Variants in HERC6 observed in about 807,000 individuals in gnomAD.
The protein encoded by HERC6 is probable E3 ubiquitin-protein ligase HERC6.
HERC6 carries 101 observed loss-of-function variants against 114.5 expected under a neutral mutation model. The observed-to-expected ratio is 0.88, with a 90% CI of 0.75 to 1.04. The LOEUF (loss-of-function observed/expected upper bound fraction) is 1.04, where lower values mean the gene tolerates loss of function less well. Among genes scored for constraint, HERC6 ranks in the 50% least tolerant of loss-of-function variants. The probability of loss-of-function intolerance (pLI) is 0.00; values close to 1 mark genes in which losing one functional copy is unlikely to be tolerated. For synonymous variants in HERC6, 408 were observed against 436.2 expected (o/e 0.94, Z 0.81); for missense variants, 1,133 against 1,230.9 (o/e 0.92, Z 1.19).
intron 2 of HERC6, among the ~76,000 whole-genome samples, chr4:88,383,785 A>G (rs1348065119): frequency 1.3e-5 from 2 of 149,992 alleles, no homozygotes; most frequent in East Asian, 3.9e-4. Flanking sequence ...AAAAAAAAAA[A>G]AAAAAAAAGA....
intron 3 of HERC6, among the ~76,000 whole-genome samples, chr4:88,388,838 C>A (rs1291293609): frequency 6.6e-6 from 1 of 152,160 alleles, no homozygotes; most frequent in Non-Finnish European, 1.5e-5. Flanking sequence ...AGCCTGCCTG[C>A]ATCAATGCAG....
intron 8 of HERC6, 137 bp from the exon 9 acceptor site, chr4:88,404,739 G>A (rs1735730114): frequency 3.6e-6 from 4 of 1,116,076 alleles, no homozygotes; most frequent in South Asian, 1.7e-5. Flanking sequence ...CCGGTCTGAC[G>A]CCAAAGCTCC....
intron 3 of HERC6, 57 bp from the exon 4 acceptor site, chr4:88,390,595 A>G (rs968032979): frequency 3.5e-6 from 5 of 1,409,098 alleles, no homozygotes; most frequent in Non-Finnish European, 4.8e-6. Context: ...AGTAGTTTCT[A>G]TTTGAATTTG....
At chr4:88,431,529 C>T (rs921949732) in intron 17 of HERC6, among the ~76,000 whole-genome samples, 1 of 152,102 alleles carries the variant, frequency 6.6e-6, no homozygotes, top group South Asian at 2.1e-4. Flanking sequence ...TGAATCAGAG[C>T]ATGTATTTTA....
At chr4:88,425,436 C>G (rs543022514) in intron 15 of HERC6, among the ~76,000 whole-genome samples, 4 of 152,324 alleles carry the variant, frequency 2.6e-5, no homozygotes. Flanking sequence ...ATGAACAACA[C>G]TGACGCTATC....
At chr4:88,404,257 A>T (rs1312467972) in intron 8 of HERC6, among the ~76,000 whole-genome samples, 1 of 146,338 alleles carries the variant, frequency 6.8e-6, no homozygotes, top group Admixed American at 7.0e-5. Context: ...CAATGGTATG[A>T]TCTTGTCTCA....
At position 88,431,290 on chromosome 4, in the gene HERC6, G is replaced by C; in HGVS notation, c.2235G>C (p.Met745Ile). ...MFMYPEMGSC[M>I]WFPAKPKPEK... Reference sequence around the variant, plus strand: ...TGTATCCTGAAATGGGTTCCTGCATGTGGTTTCCTGCCAAGGTAAGTCTTT... The same window carrying C: ...TGTATCCTGAAATGGGTTCCTGCATCTGGTTTCCTGCCAAGGTAAGTCTTT... Residue 745 changes from methionine (M) to isoleucine (I), a missense_variant, in exon 17 of 23, where the codon ATG becomes ATC. Met to Ile is a conservative substitution (Grantham distance 10). Around this residue, in one of 3 missense-constraint regions of HERC6, gnomAD observed 388 missense variants for 445.9 expected, o/e 0.87. Coordinates refer to ENST00000264346, the MANE Select transcript of HERC6 (RefSeq NM_017912.4). 1.3e-6 allele frequency: 2 copies of C among 1,593,606 alleles called. No homozygotes were observed. Among genetic ancestry groups the C allele is most frequent in the Non-Finnish European group, 1.7e-6 (2 of 1,173,788 alleles).
In HERC6 at chr4:88,413,227, G is replaced by A. The variant is rs1164766046; in HGVS notation, c.1519G>A (p.Ala507Thr). The change falls in exon 12 of 23, where the codon GCT becomes ACT. Residue 507 changes from alanine to threonine, a missense_variant. Ala to Thr is a moderately conservative substitution (Grantham distance 58, BLOSUM62 0). Transcript: ENST00000264346. ...WKNLVVPFAKAVCEMSKQSLQ... is the reference protein window; with the variant it reads ...WKNLVVPFAKTVCEMSKQSLQ... Reference sequence around the variant, plus strand: ...GAACCTGGTGGTTCCATTTGCAAAGGCTGTGTGTGAAATGAGTAAACAATC... The same window carrying A: ...GAACCTGGTGGTTCCATTTGCAAAGACTGTGTGTGAAATGAGTAAACAATC... The A allele has an allele frequency of 6.2e-7, 1 of 1,613,134 alleles. No homozygotes were observed. Among genetic ancestry groups the A allele is most frequent in the Non-Finnish European group, 8.5e-7 (1 of 1,179,572 alleles).
intron 2 of HERC6, among the ~76,000 whole-genome samples, chr4:88,383,639 C>T (rs971526965): frequency 4.6e-5 from 7 of 151,376 alleles, no homozygotes; most frequent in South Asian, 2.1e-4. Context: ...GTCAGGCACC[C>T]GCAATCCCAA....
chr4:88,425,112 A>C (rs1737465661), intron 15 of HERC6, among the ~76,000 whole-genome samples: 1 of 152,202 alleles, frequency 6.6e-6, no homozygotes, highest in Admixed American at 6.5e-5. Flanking sequence ...TTAGGTAAAA[A>C]AGAGCTTTTC....
chr4:88,431,149 T>C lies in HERC6; in HGVS notation c.2107-13T>C. On this transcript the variant is annotated splice_polypyrimidine_tract_variant and intron_variant, in intron 16 of 22. Coordinates refer to ENST00000264346, the MANE Select transcript of HERC6 (RefSeq NM_017912.4). ...TTTAAGTCAGGATCTGGGACTATGT[T>C]CTCTTTCCTTAGGTTGAATTTATTA... The C allele has an allele frequency of 2.5e-6, 4 of 1,601,024 alleles. No individual in the cohort carries two copies. The highest frequency in any genetic ancestry group is 3.4e-6 in the Non-Finnish European group (4 of 1,175,788).
intron 2 of HERC6, among the ~76,000 whole-genome samples, chr4:88,384,912 A>G (rs1734499184): frequency 6.6e-6 from 1 of 152,144 alleles, no homozygotes. Flanking sequence ...AATCCCAGCT[A>G]CTTGGGAGGC....
At chr4:88,397,823 C>G (rs925532572) in intron 7 of HERC6, among the ~76,000 whole-genome samples, 1 of 152,092 alleles carries the variant, frequency 6.6e-6, no homozygotes. Flanking sequence ...AGTAAAGAAG[C>G]AACCAGAACA....
rs1213063924 is a variant in HERC6, at chr4:88,437,416, T to C, written c.2485-295T>C. The stretch of plus-strand genomic sequence containing the variant: ...TGTACCGCAAGACTTTCCCCTTATC[T>C]TCTTCTCATGTCTATATACTCTCAA... On this transcript the variant is annotated intron_variant, in intron 19 of 22. Coordinates refer to ENST00000264346, the MANE Select transcript of HERC6 (RefSeq NM_017912.4). 3.3e-5 allele frequency among the ~76,000 whole-genome samples: 5 copies of C among 152,256 alleles called. No individual in the cohort carries two copies. The East Asian group carries it at 9.6e-4, about 29-fold the overall frequency.
rs550721971 is a variant in HERC6 at position 88,422,422 on chromosome 4, A to G, written c.1714-1438A>G. On this transcript the variant is annotated intron_variant, in intron 13 of 22. Transcript: ENST00000264346. ...ATGTTTTGCTGTGGGATTTTTGTAG[A>G]TACGTTTTTAAAAGGTTAAGGAAAC... Among the ~76,000 whole-genome samples, 4 of 152,300 alleles carry G rather than the reference A, an allele frequency of 2.6e-5. No homozygotes were observed. In the East Asian group the frequency reaches 7.7e-4, roughly 29 times the overall value.
chr4:88,420,240 A>G (rs949385181), intron 13 of HERC6, among the ~76,000 whole-genome samples: 1 of 152,228 alleles, frequency 6.6e-6, no homozygotes, highest in Non-Finnish European at 1.5e-5. Context: ...TTGTACCTGT[A>G]TAACACCGTA....
intron 6 of HERC6, 102 bp downstream of exon 6, chr4:88,396,244 C>A: frequency 1.0e-6 from 1 of 990,750 alleles, no homozygotes; most frequent in Non-Finnish European, 1.4e-6. Context: ...CCTTAAAATT[C>A]CTGCCTGAAA....
At chr4:88,405,825 T>C (rs1342839935) in intron 10 of HERC6, among the ~76,000 whole-genome samples, 1 of 152,224 alleles carries the variant, frequency 6.6e-6, no homozygotes, top group East Asian at 1.9e-4. Flanking sequence ...TATTGTTTAC[T>C]TCCTTCATAC....
At chr4:88,400,125 A>G (rs1735455746) in intron 8 of HERC6, among the ~76,000 whole-genome samples, 1 of 152,238 alleles carries the variant, frequency 6.6e-6, no homozygotes, top group Admixed American at 6.5e-5. Flanking sequence ...GTGCTTGGAA[A>G]GGAGACCTAG....
Sources: gnomAD v4.1 joint callset for allele counts (sites outside exome capture counted in the v4.1 genomes callset) on GRCh38, gnomAD v4.1.1 for gene constraint, gnomAD v4.1.1 regional missense constraint, MANE v1.5 for transcripts, NCBI Gene and HGNC (gene_info 2026-07-23, HGNC 2026-07-21) for gene names.